Variants in TAF3 observed in about 807,000 individuals in gnomAD.
TAF3 encodes the protein TATA-box binding protein associated factor 3.
Under a neutral mutation model 80.6 loss-of-function variants are expected in TAF3, and 7 were observed. That is an observed-to-expected ratio of 0.09 (90% CI 0.05 to 0.16). TAF3 has a LOEUF of 0.16. Ranked by LOEUF, TAF3 falls within the 10% of genes least tolerant of loss-of-function variation. TAF3 has a pLI of 1.00. For missense variants in TAF3, 921 were observed against 1,140.2 expected (o/e 0.81, Z 2.77); for synonymous variants, 444 against 446.1 (o/e 1.00, Z 0.06).
At chr10:7,977,052 G>A (rs1831680307) in intron 3 of TAF3, among the ~76,000 whole-genome samples, 189 bp from the exon 4 acceptor site, 1 of 152,196 alleles carries the variant, frequency 6.6e-6, no homozygotes, top group Non-Finnish European at 1.5e-5. Context: ...AAAGTTTGCA[G>A]AATTTCTCAT....
At chr10:7,894,966 C>T (rs1226822658) in intron 2 of TAF3, among the ~76,000 whole-genome samples, 1 of 152,132 alleles carries the variant, frequency 6.6e-6, no homozygotes, top group African/African-American at 2.4e-5. Context: ...ACCTTTGCCT[C>T]CTGGGTTCAA....
At chr10:7,835,117 AG>A (rs1309785170) in intron 2 of TAF3, among the ~76,000 whole-genome samples, 1 of 152,218 alleles carries the variant, frequency 6.6e-6, no homozygotes, top group African/African-American at 2.4e-5. Flanking sequence ...TTTAGAACAC[AG>A]GTGTCCAATC....
intron 2 of TAF3, among the ~76,000 whole-genome samples, chr10:7,842,047 C>T (rs762482440): frequency 1.3e-5 from 2 of 151,756 alleles, no homozygotes; most frequent in Non-Finnish European, 2.9e-5. Context: ...GCACCACGCC[C>T]GATGTGGGAG....
intron 6 of TAF3, 132 bp from the exon 7 acceptor site, chr10:8,014,505 C>T: frequency 1.4e-6 from 1 of 700,194 alleles, no homozygotes; most frequent in South Asian, 1.9e-5. Flanking sequence ...GTGCTACACA[C>T]AAGTTAGTGC....
chr10:7,949,073 T>C (rs908167204), intron 2 of TAF3, among the ~76,000 whole-genome samples: 1 of 152,204 alleles, frequency 6.6e-6, no homozygotes, highest in African/African-American at 2.4e-5. Flanking sequence ...CAGGATGATT[T>C]CCCATTACTT....
chr10:7,877,880 T>C (rs142814323), intron 2 of TAF3, among the ~76,000 whole-genome samples: 4 of 152,302 alleles, frequency 2.6e-5, no homozygotes, highest in African/African-American at 9.6e-5. Flanking sequence ...GTGTGTTATT[T>C]TGAGAAGGGA....
intron 2 of TAF3, among the ~76,000 whole-genome samples, chr10:7,834,495 A>AT (rs1836832081): frequency 6.6e-6 from 1 of 152,164 alleles, no homozygotes; most frequent in Non-Finnish European, 1.5e-5. Flanking sequence ...CTTATTATAT[A>AT]TAACTCGGTT....
intron 2 of TAF3, among the ~76,000 whole-genome samples, chr10:7,962,674 C>CA (rs1379504199): frequency 2.0e-5 from 3 of 152,164 alleles, no homozygotes; most frequent in Non-Finnish European, 2.9e-5. Flanking sequence ...CCAACTATCC[C>CA]AAACGCTGCA....
chr10:7,947,936 T>G (rs1408772105), intron 2 of TAF3, among the ~76,000 whole-genome samples: 1 of 152,226 alleles, frequency 6.6e-6, no homozygotes, highest in Admixed American at 6.5e-5. Flanking sequence ...AAATCACCCA[T>G]GTACAGACAG....
intron 5 of TAF3, among the ~76,000 whole-genome samples, chr10:8,012,036 G>C (rs1175801441): frequency 6.6e-6 from 1 of 152,062 alleles, no homozygotes; most frequent in African/African-American, 2.4e-5. Flanking sequence ...AATTGGCTGG[G>C]CAGGGTGACA....
At chr10:7,835,031 C>G (rs1836838003) in intron 2 of TAF3, among the ~76,000 whole-genome samples, 1 of 152,152 alleles carries the variant, frequency 6.6e-6, no homozygotes, top group Non-Finnish European at 1.5e-5. Flanking sequence ...CTCGTACTTT[C>G]ATTGTCTGGA....
chr10:7,978,285 T>C (rs1411755861), intron 4 of TAF3, among the ~76,000 whole-genome samples: 2 of 152,196 alleles, frequency 1.3e-5, no homozygotes, highest in African/African-American at 4.8e-5. Flanking sequence ...AAATTTGCTT[T>C]GTATTCTCAG....
chr10:7,976,484 G>A (rs1194521625), intron 3 of TAF3, among the ~76,000 whole-genome samples: 4 of 148,290 alleles, frequency 2.7e-5, no homozygotes, highest in Non-Finnish European at 5.9e-5. Flanking sequence ...GCATGATCTC[G>A]GCTCACTGTA....
At chr10:7,913,757 G>A (rs265934) in intron 2 of TAF3, among the ~76,000 whole-genome samples, 44,155 of 152,060 alleles carry the variant, frequency 0.29, 6,682 homozygotes, top group African/African-American at 0.37. Context: ...TGCCTCTTTA[G>A]GGATACAGTA....
chr10:7,994,388 T>A (rs1275714613), intron 4 of TAF3, among the ~76,000 whole-genome samples: 1 of 152,172 alleles, frequency 6.6e-6, no homozygotes, highest in East Asian at 1.9e-4. Flanking sequence ...GCTACTGGGA[T>A]GTCATTATTC....
intron 3 of TAF3, among the ~76,000 whole-genome samples, chr10:7,967,477 G>A (rs912601970): frequency 5.3e-5 from 8 of 152,298 alleles, no homozygotes; most frequent in African/African-American, 1.9e-4. Context: ...TCAGTCCCTC[G>A]AAGCACAGAG....
chr10:7,953,196 T>G (rs1476078366), intron 2 of TAF3, among the ~76,000 whole-genome samples: 3 of 152,200 alleles, frequency 2.0e-5, no homozygotes, highest in Non-Finnish European at 4.4e-5. Flanking sequence ...TTTCCCAGTC[T>G]TCTCACTTCA....
intron 2 of TAF3, among the ~76,000 whole-genome samples, chr10:7,951,919 C>G (rs1838086547): frequency 1.3e-5 from 2 of 152,170 alleles, no homozygotes; most frequent in African/African-American, 4.8e-5. Flanking sequence ...TCTATTGTTT[C>G]ACTTTCTGAT....
intron 4 of TAF3, among the ~76,000 whole-genome samples, chr10:7,999,462 T>G (rs1831922624): frequency 6.6e-6 from 1 of 150,500 alleles, no homozygotes; most frequent in South Asian, 2.1e-4. Context: ...AAAGAAGTTT[T>G]TTTTTTTTTT....
Sources: gnomAD v4.1 joint callset for allele counts (sites outside exome capture counted in the v4.1 genomes callset) on GRCh38, gnomAD v4.1.1 for gene constraint, MANE v1.5 for transcripts, NCBI Gene and HGNC (gene_info 2026-07-23, HGNC 2026-07-21) for gene names.